The following PCDH15 variants were observed in gnomAD, a reference collection of about 807,000 sequenced individuals.
PCDH15 encodes protocadherin-15.
A neutral mutation model predicts 178.5 loss-of-function variants in PCDH15; 129 were observed. The ratio of observed to expected loss-of-function variants is 0.72; its 90% CI spans 0.63 to 0.84. The LOEUF is 0.84. PCDH15 is among the 40% of genes least tolerant of loss of function. The pLI is 0.00. For synonymous variants in PCDH15, 800 were observed against 732.0 expected (o/e 1.09, Z -1.50); for missense variants, 2,230 against 2,099.9 (o/e 1.06, Z -1.21).
Position 54,681,182 on chromosome 10 carries a change from C to T in PCDH15, c.-28-16892G>A, listed in dbSNP as rs73253099. 5.1e-3 allele frequency among the ~76,000 whole-genome samples: 772 copies of T among 152,232 alleles called. 12 individuals are homozygous for T. The highest frequency in any genetic ancestry group is 0.018 in the African/African-American group (750 of 41,540). Reference sequence around the variant, plus strand: ...GTGCCACTTACTGGAATGTGATCCTCCCTATTGGGGAGCGGCAGGTTTGGA... The same window carrying T: ...GTGCCACTTACTGGAATGTGATCCTTCCTATTGGGGAGCGGCAGGTTTGGA... On this transcript the variant is annotated intron_variant, in intron 1 of 37. Coordinates refer to ENST00000644397, the MANE Select transcript of PCDH15 (RefSeq NM_001384140.1).
chr10:54,447,086 G>A (rs558985821), intron 3 of PCDH15, among the ~76,000 whole-genome samples: 1 of 151,580 alleles, frequency 6.6e-6, no homozygotes, highest in African/African-American at 2.4e-5. Context: ...GACAGATCTT[G>A]CCCCGTTCTC....
At chr10:53,812,766 G>A (rs184083154) in intron 35 of PCDH15, among the ~76,000 whole-genome samples, 28 of 152,092 alleles carry the variant, frequency 1.8e-4, no homozygotes, top group Non-Finnish European at 3.5e-4. Context: ...AATTCATTTC[G>A]CAATGGAATA....
intron 9 of PCDH15, 36 bp from the exon 10 acceptor site, chr10:54,214,084 A>C: frequency 1.8e-6 from 2 of 1,138,148 alleles, no homozygotes; most frequent in Non-Finnish European, 2.7e-6. Flanking sequence ...ATAATTGAGA[A>C]CAATAAGTAA....
intron 1 of PCDH15, among the ~76,000 whole-genome samples, chr10:54,786,686 T>G (rs1171655144): frequency 1.3e-5 from 2 of 151,908 alleles, no homozygotes; most frequent in Non-Finnish European, 2.9e-5. Context: ...GGAATAGGAT[T>G]TTATAGATCT....
chr10:54,510,341 C>T (rs1191617143), intron 3 of PCDH15, among the ~76,000 whole-genome samples: 1 of 152,128 alleles, frequency 6.6e-6, no homozygotes, highest in Non-Finnish European at 1.5e-5. Flanking sequence ...AATAGTTTGG[C>T]TGACAGTACT....
intron 14 of PCDH15, among the ~76,000 whole-genome samples, chr10:54,134,967 G>C (rs988951169): frequency 6.6e-6 from 1 of 151,328 alleles, no homozygotes; most frequent in African/African-American, 2.4e-5. Context: ...AGCACTTTTG[G>C]AGGCCAAGGT....
At chr10:54,413,190 G>A (rs1374636354) in intron 3 of PCDH15, among the ~76,000 whole-genome samples, 3 of 148,578 alleles carry the variant, frequency 2.0e-5, no homozygotes, top group Non-Finnish European at 3.0e-5. Context: ...CTCTCTCAAC[G>A]AATAGCAAAA....
At chr10:55,589,195 C>T (rs553820750) in intron 2 of PCDH15, among the ~76,000 whole-genome samples, 53 of 151,452 alleles carry the variant, frequency 3.5e-4, no homozygotes, top group African/African-American at 1.1e-3. Flanking sequence ...TTAGGTCTAA[C>T]GTTTAAGTCT....
intron 25 of PCDH15, among the ~76,000 whole-genome samples, chr10:53,924,349 G>A (rs899197247): frequency 1.3e-5 from 2 of 152,208 alleles, no homozygotes; most frequent in African/African-American, 2.4e-5. Context: ...AGGGTGCACC[G>A]GGTCCCCCAG....
intron 18 of PCDH15, among the ~76,000 whole-genome samples, chr10:54,058,551 T>C (rs2093947686): frequency 6.6e-6 from 1 of 152,056 alleles, no homozygotes; most frequent in South Asian, 2.1e-4. Flanking sequence ...TTCCACGACG[T>C]GTGGGAATTA....
chr10:55,498,722 G>C (rs993588773), intron 2 of PCDH15, among the ~76,000 whole-genome samples: 1 of 151,830 alleles, frequency 6.6e-6, no homozygotes, highest in African/African-American at 2.4e-5. Flanking sequence ...AACTGACAGT[G>C]ACCTTTGTGA....
At chr10:55,022,239 G>C (rs528605914) in intron 2 of PCDH15, among the ~76,000 whole-genome samples, 1 of 152,174 alleles carries the variant, frequency 6.6e-6, no homozygotes, top group East Asian at 1.9e-4. Flanking sequence ...GATCACTTGA[G>C]ATCAGGAGTT....
intron 1 of PCDH15, among the ~76,000 whole-genome samples, chr10:54,697,877 T>C (rs2095257336): frequency 6.6e-6 from 1 of 152,084 alleles, no homozygotes; most frequent in Non-Finnish European, 1.5e-5. Context: ...TGGTTATTTC[T>C]TACTCTAACA....
At chr10:53,855,899 G>GTGTATATATATATAT (rs2078690587) in intron 28 of PCDH15, among the ~76,000 whole-genome samples, 1 of 77,840 alleles carries the variant, frequency 1.3e-5, no homozygotes, top group African/African-American at 7.4e-5. Flanking sequence ...AAAAAAAGGT[G>GTGTATATATATATAT]ATATGTATAT....
At chr10:55,509,768 T>C (rs2132149939) in intron 2 of PCDH15, among the ~76,000 whole-genome samples, 1 of 151,990 alleles carries the variant, frequency 6.6e-6, no homozygotes, top group Non-Finnish European at 1.5e-5. Context: ...TTGCAGAAAA[T>C]TGGGTTCTAA....
chr10:54,702,614 A>G (rs1010506346), intron 1 of PCDH15, among the ~76,000 whole-genome samples: 1 of 151,892 alleles, frequency 6.6e-6, no homozygotes, highest in African/African-American at 2.4e-5. Context: ...ACCTAGAAAA[A>G]CTGATAAATT....
chr10:54,168,009 T>C (rs1408473636), intron 13 of PCDH15, among the ~76,000 whole-genome samples: 2 of 151,396 alleles, frequency 1.3e-5, no homozygotes, highest in Non-Finnish European at 2.9e-5. Context: ...TCCTTGACTA[T>C]AGGCAACCTT....
intron 2 of PCDH15, among the ~76,000 whole-genome samples, chr10:54,959,103 T>G (rs1838574172): frequency 6.6e-6 from 1 of 151,076 alleles, no homozygotes; most frequent in Non-Finnish European, 1.5e-5. Context: ...GAGTTCACAG[T>G]GATCATATAA....
chr10:55,237,104 C>A (rs1469646495), intron 1 of PCDH15, among the ~76,000 whole-genome samples: 5 of 152,046 alleles, frequency 3.3e-5, no homozygotes, highest in Non-Finnish European at 5.9e-5. Flanking sequence ...TCTAACAAAT[C>A]ATTTTCTCAG....
Sources: gnomAD v4.1 joint callset for allele counts (sites outside exome capture counted in the v4.1 genomes callset) on GRCh38, gnomAD v4.1.1 for gene constraint, MANE v1.5 for transcripts, NCBI Gene and HGNC (gene_info 2026-07-23, HGNC 2026-07-21) for gene names.